The following FILIP1L variants were observed in gnomAD, a reference collection of about 807,000 sequenced individuals.
The protein encoded by FILIP1L is filamin A interacting protein 1 like.
A neutral mutation model predicts 96.6 loss-of-function variants in FILIP1L; 55 were observed. That is an observed-to-expected ratio of 0.57 (90% CI 0.46 to 0.71). The LOEUF (loss-of-function observed/expected upper bound fraction) is 0.71, where lower values mean the gene tolerates loss of function less well. Among genes scored for constraint, FILIP1L ranks in the 30% least tolerant of loss-of-function variants. FILIP1L has a pLI of 0.00. For missense variants in FILIP1L, 1,304 were observed against 1,321.2 expected, an observed-to-expected ratio of 0.99 and a Z score of 0.20; for synonymous variants, 467 against 473.9, an observed-to-expected ratio of 0.99 and a Z score of 0.19.
At chr3:99,999,598 A>G (rs1309276998) in intron 1 of FILIP1L, among the ~76,000 whole-genome samples, 1 of 152,182 alleles carries the variant, frequency 6.6e-6, no homozygotes. Flanking sequence ...TGAGTCTTGA[A>G]TCTGTTAGAG....
At chr3:100,109,467 CT>C (rs1185892839) in intron 1 of FILIP1L, among the ~76,000 whole-genome samples, 3 of 152,142 alleles carry the variant, frequency 2.0e-5, no homozygotes, top group Admixed American at 1.3e-4. Flanking sequence ...CCTGCTCACC[CT>C]TTTGTAGTCA....
intron 1 of FILIP1L, among the ~76,000 whole-genome samples, chr3:99,940,682 C>T (rs1443036709): frequency 5.3e-5 from 8 of 152,202 alleles, no homozygotes; most frequent in Non-Finnish European, 1.5e-5. Flanking sequence ...ATGCACCTTT[C>T]AGAGAACCCG....
At chr3:99,939,241 T>A (rs916462454) in intron 1 of FILIP1L, among the ~76,000 whole-genome samples, 2 of 152,176 alleles carry the variant, frequency 1.3e-5, no homozygotes, top group Non-Finnish European at 2.9e-5. Flanking sequence ...CCTGCTCACT[T>A]GTTATATGCC....
chr3:99,999,469 A>G (rs973689992), intron 1 of FILIP1L, among the ~76,000 whole-genome samples: 2 of 152,194 alleles, frequency 1.3e-5, no homozygotes, highest in Non-Finnish European at 2.9e-5. Flanking sequence ...ATTGTTTAGT[A>G]GATTATCGAC....
At chr3:99,888,155 G>T (rs1428323467) in intron 4 of FILIP1L, among the ~76,000 whole-genome samples, 1 of 152,040 alleles carries the variant, frequency 6.6e-6, no homozygotes, top group African/African-American at 2.4e-5. Flanking sequence ...AAATAAAATG[G>T]GTCTATGAAG....
chr3:99,942,228 A>G (rs1055275767), intron 1 of FILIP1L, among the ~76,000 whole-genome samples: 4 of 152,066 alleles, frequency 2.6e-5, no homozygotes, highest in African/African-American at 7.2e-5. Context: ...GTTACTGTTA[A>G]TCTTATTAGA....
intron 4 of FILIP1L, among the ~76,000 whole-genome samples, chr3:99,863,433 A>G (rs1944359524): frequency 1.3e-5 from 2 of 152,196 alleles, no homozygotes; most frequent in Non-Finnish European, 2.9e-5. Flanking sequence ...TGACTGGGTT[A>G]GTACACTGTA....
chr3:99,962,664 G>A (rs1000229950), intron 1 of FILIP1L, among the ~76,000 whole-genome samples: 3 of 152,156 alleles, frequency 2.0e-5, no homozygotes, highest in African/African-American at 7.2e-5. Flanking sequence ...TAGCACTGTA[G>A]GCCTGGTCCT....
At chr3:100,026,747 A>G (rs1380507366) in intron 1 of FILIP1L, among the ~76,000 whole-genome samples, 2 of 152,078 alleles carry the variant, frequency 1.3e-5, no homozygotes, top group Admixed American at 1.3e-4. Flanking sequence ...CTGTGGTCCA[A>G]ACCACCACCG....
intron 1 of FILIP1L, among the ~76,000 whole-genome samples, chr3:99,962,661 G>A (rs541753332): frequency 6.6e-6 from 1 of 152,180 alleles, no homozygotes; most frequent in Non-Finnish European, 1.5e-5. Context: ...ATATAGCACT[G>A]TAGGCCTGGT....
At chr3:100,046,474 A>G (rs2065281078) in intron 1 of FILIP1L, among the ~76,000 whole-genome samples, 1 of 151,772 alleles carries the variant, frequency 6.6e-6, no homozygotes, top group Non-Finnish European at 1.5e-5. Context: ...GGTAGATCAT[A>G]GTTTTATCTC....
At chr3:99,886,327 A>G (rs757440674) in intron 4 of FILIP1L, among the ~76,000 whole-genome samples, 17 of 151,436 alleles carry the variant, frequency 1.1e-4, no homozygotes, top group Admixed American at 2.6e-4. Flanking sequence ...GGGATGTCCA[A>G]TCTTTTGGCT....
chr3:100,045,777 C>T (rs1281077725), intron 1 of FILIP1L, among the ~76,000 whole-genome samples: 1 of 152,194 alleles, frequency 6.6e-6, no homozygotes, highest in Non-Finnish European at 1.5e-5. Context: ...GTGGGGAAAC[C>T]ACAGAAAGCT....
intron 1 of FILIP1L, among the ~76,000 whole-genome samples, chr3:99,988,298 C>G (rs1709406433): frequency 6.8e-6 from 1 of 146,526 alleles, no homozygotes; most frequent in Non-Finnish European, 1.5e-5. Context: ...GAGATGGAGA[C>G]CATCCTGGTT....
At position 99,854,414 on chromosome 3, in the gene FILIP1L, T is replaced by C. The variant is rs140572772; in HGVS notation, c.606-3344A>G. 3.8e-3 allele frequency among the ~76,000 whole-genome samples: 575 copies of C among 152,342 alleles called. 3 individuals are homozygous for C. The highest frequency in any genetic ancestry group is 0.013 in the African/African-American group (548 of 41,584). ...GGTTTTTATGATCTTCAAAGTAGCA[T>C]AGACCTTGAGGTGCAGAACTCTGCA... is the stretch of plus-strand genomic sequence containing the variant. On this transcript the variant is annotated intron_variant, in intron 4 of 5. Transcript: ENST00000477258.
At chr3:99,882,846 T>A (rs953624666) in intron 4 of FILIP1L, among the ~76,000 whole-genome samples, 3 of 152,244 alleles carry the variant, frequency 2.0e-5, no homozygotes, top group African/African-American at 7.2e-5. Context: ...TTAGAAATGT[T>A]TTCTTTTGTT....
chr3:99,903,305 G>A (rs977822874), intron 4 of FILIP1L, among the ~76,000 whole-genome samples: 2 of 151,714 alleles, frequency 1.3e-5, no homozygotes, highest in African/African-American at 4.8e-5. Context: ...AGGCTGGAGT[G>A]CAGTGGCGTG....
At chr3:99,952,172 T>C (rs1708195293) in intron 1 of FILIP1L, among the ~76,000 whole-genome samples, 1 of 152,102 alleles carries the variant, frequency 6.6e-6, no homozygotes, top group African/African-American at 2.4e-5. Flanking sequence ...ATGTGTTTTT[T>C]TTTTTCGTTG....
At chr3:99,864,833 C>T (rs1346204597) in intron 4 of FILIP1L, among the ~76,000 whole-genome samples, 1 of 152,082 alleles carries the variant, frequency 6.6e-6, no homozygotes, top group Non-Finnish European at 1.5e-5. Flanking sequence ...ATCTGGCATA[C>T]TATATTTTAT....
Sources: gnomAD v4.1 joint callset for allele counts (sites outside exome capture counted in the v4.1 genomes callset) on GRCh38, gnomAD v4.1.1 for gene constraint, MANE v1.5 for transcripts, NCBI Gene and HGNC (gene_info 2026-07-23, HGNC 2026-07-21) for gene names.